The following SLC25A18 variants were observed in gnomAD, a reference collection of about 807,000 sequenced individuals.
SLC25A18 encodes the protein mitochondrial glutamate carrier 2.
SLC25A18 carries 24 observed loss-of-function variants against 31.1 expected under a neutral mutation model. That is an observed-to-expected ratio of 0.77 (90% CI 0.56 to 1.08). The LOEUF (loss-of-function observed/expected upper bound fraction) is 1.08. Ranked by LOEUF, SLC25A18 falls within the 50% of genes least tolerant of loss-of-function variation. SLC25A18 has a pLI of 0.00. For synonymous variants in SLC25A18, 173 were observed against 161.9 expected (o/e 1.07, Z -0.52); for missense variants, 371 against 418.5 (o/e 0.89, Z 0.99).
At chr22:17,589,332 C>T in intron 9 of SLC25A18, 1 of 355,290 alleles carries the variant, frequency 2.8e-6, no homozygotes, top group Non-Finnish European at 5.4e-6. Flanking sequence ...AGGAACGCGC[C>T]ACGCCCGGCT....
intron 2 of SLC25A18, among the ~76,000 whole-genome samples, chr22:17,572,930 G>C (rs1453500562): frequency 2.0e-5 from 3 of 152,194 alleles, no homozygotes; most frequent in South Asian, 4.1e-4. Flanking sequence ...CATGAGCCAT[G>C]GCGCCCAGCC....
chr22:17,564,956 CCAGCTACT>C (rs1324295271), intron 1 of SLC25A18, among the ~76,000 whole-genome samples: 2 of 152,080 alleles, frequency 1.3e-5, no homozygotes, highest in East Asian at 3.9e-4. Flanking sequence ...ACCTGTGATC[CCAGCTACT>C]CAGGAGGGTG....
chr22:17,585,762 C>T (rs1274230855), intron 7 of SLC25A18, among the ~76,000 whole-genome samples: 1 of 150,846 alleles, frequency 6.6e-6, no homozygotes, highest in African/African-American at 2.5e-5. Context: ...GATTCTCCTG[C>T]CTCAGCCTCC....
rs183511542 is a variant in SLC25A18 at position 17,577,617 on chromosome 22, G to A, written c.-200-2128G>A. On this transcript the variant is annotated intron_variant, in intron 2 of 10. Coordinates refer to ENST00000327451, the MANE Select transcript of SLC25A18 (RefSeq NM_031481.3). ...TTTTTTTGAGATGGAGGCTCGCTGTGTCACCCAGGCTGGAGTGCAGTGGTG... is the reference window on the plus strand; with the variant it reads ...TTTTTTTGAGATGGAGGCTCGCTGTATCACCCAGGCTGGAGTGCAGTGGTG... 3.5e-3 allele frequency among the ~76,000 whole-genome samples: 472 copies of A among 135,712 alleles called. 4 individuals are homozygous for A. Among genetic ancestry groups the A allele is most frequent in the African/African-American group, 0.012 (438 of 35,568 alleles). 89.0% of individuals were successfully genotyped at this position (135,712 alleles called of 152,430 possible). A position where few individuals can be genotyped will look rare whatever the true frequency, so the allele number is the denominator to read the frequency against.
In SLC25A18 at chr22:17,587,988, C is replaced by T. The variant is rs772306619; in HGVS notation, c.639C>T (p.Asn213=). ...CCAACCTTAACAACCTGGGGTTCAA[C>T]GAGCTCGCCGGTAAGGCGTCCTTTG... ...LFANLNNLGF[N]ELAGKASFAH... The change falls in exon 9 of 11, where the codon AAC becomes AAT. Residue 213 remains asparagine, a synonymous_variant. Coordinates refer to ENST00000327451, the MANE Select transcript of SLC25A18 (RefSeq NM_031481.3). 24 of 1,614,112 alleles carry T rather than the reference C, an allele frequency of 1.5e-5. No individual in the cohort carries two copies. Among genetic ancestry groups the T allele is most frequent in the Middle Eastern group, 1.6e-4 (1 of 6,084 alleles).
intron 2 of SLC25A18, among the ~76,000 whole-genome samples, chr22:17,572,123 G>T (rs1363911643): frequency 6.6e-6 from 1 of 152,056 alleles, no homozygotes; most frequent in Admixed American, 6.6e-5. Context: ...GGAGGCAGGG[G>T]TTGCAGCGAG....
At chr22:17,585,617 TTTATTATTATTTATTTTA>T (rs143230754) in intron 7 of SLC25A18, among the ~76,000 whole-genome samples, 4 of 149,142 alleles carry the variant, frequency 2.7e-5, no homozygotes, top group Non-Finnish European at 3.0e-5. Context: ...AACATTTTAT[TTTATTATTATTTATTTTA>T]TTATTATTAT....
intron 1 of SLC25A18, among the ~76,000 whole-genome samples, chr22:17,565,248 T>A (rs2056905246): frequency 6.6e-6 from 1 of 151,954 alleles, no homozygotes; most frequent in African/African-American, 2.4e-5. Flanking sequence ...ACCCAGCTAA[T>A]TTTTTGTATT....
At chr22:17,579,273 G>C (rs973888855) in intron 2 of SLC25A18, among the ~76,000 whole-genome samples, 1 of 152,074 alleles carries the variant, frequency 6.6e-6, no homozygotes, top group African/African-American at 2.4e-5. Context: ...TTTTAGTAGA[G>C]ATGGAGTTTC....
At chr22:17,581,216 C>T in intron 4 of SLC25A18, 57 bp downstream of exon 4, 1 of 1,567,572 alleles carries the variant, frequency 6.4e-7, no homozygotes, top group Non-Finnish European at 8.7e-7. Flanking sequence ...GGATGGGGCC[C>T]CCTTCCCTCC....
intron 3 of SLC25A18, chr22:17,580,395 C>T (rs369286062): frequency 8.2e-6 from 3 of 367,444 alleles, no homozygotes; most frequent in East Asian, 1.5e-4. Context: ...TTCTATTTCC[C>T]GTCTTCCAAA....
At chr22:17,566,994 T>G (rs2056954054) in intron 1 of SLC25A18, among the ~76,000 whole-genome samples, 1 of 152,106 alleles carries the variant, frequency 6.6e-6, no homozygotes, top group Non-Finnish European at 1.5e-5. Context: ...AAACCGCGTC[T>G]CTACAAAGAA....
In SLC25A18 at chr22:17,582,577, C is replaced by T; in HGVS notation, c.214C>T (p.Leu72Phe). The T allele has an allele frequency of 1.9e-6, 3 of 1,599,408 alleles. No individual in the cohort carries two copies. The highest frequency in any genetic ancestry group is 1.1e-5 in the South Asian group (1 of 88,466). ...FGMYRGAAVN[L>F]TLVTPEKAIK... ...TTCACTTCCAGGGGCTGCAGTGAAC[C>T]TCACTCTGGTCACTCCAGAGAAGGC... The change falls in exon 6 of 11, where the codon CTC (leucine) becomes TTC (phenylalanine). Residue 72 changes from leucine to phenylalanine, a missense_variant. Leu to Phe is a conservative substitution (Grantham distance 22). Transcript: ENST00000327451.
At chr22:17,578,799 C>A (rs2057296798) in intron 2 of SLC25A18, among the ~76,000 whole-genome samples, 1 of 152,194 alleles carries the variant, frequency 6.6e-6, no homozygotes, top group African/African-American at 2.4e-5. Context: ...ACTCCAGAGG[C>A]TAAGGCAGGA....
chr22:17,571,494 CG>C (rs2057086251), intron 2 of SLC25A18, among the ~76,000 whole-genome samples: 2 of 152,102 alleles, frequency 1.3e-5, no homozygotes, highest in South Asian at 4.1e-4. Flanking sequence ...CTTCTCCAGC[CG>C]GGGCGCAGTG....
intron 9 of SLC25A18, 113 bp from the exon 10 acceptor site, chr22:17,589,475 CTA>C (rs1372526166): frequency 2.3e-6 from 2 of 886,666 alleles, no homozygotes; most frequent in Non-Finnish European, 3.6e-6. Flanking sequence ...TGCGCCCGGC[CTA>C]TGAGTCAGTT....
chr22:17,569,037 G>A (rs574847490), intron 1 of SLC25A18, among the ~76,000 whole-genome samples: 106 of 149,194 alleles, frequency 7.1e-4, no homozygotes, highest in African/African-American at 2.5e-3. Context: ...AGATGGAGTC[G>A]CCCAGCCTGT....
intron 9 of SLC25A18, chr22:17,589,238 T>C (rs2057646213): frequency 5.5e-6 from 1 of 183,136 alleles, no homozygotes; most frequent in Non-Finnish European, 1.1e-5. Context: ...TGGAGTGCAG[T>C]GGTACAATCT....
intron 9 of SLC25A18, 178 bp downstream of exon 9, chr22:17,588,257 T>C: frequency 1.6e-6 from 1 of 635,002 alleles, no homozygotes; most frequent in African/African-American, 1.8e-5. Flanking sequence ...TTCTCATCCC[T>C]GACACATCCC....
Sources: allele counts gnomAD v4.1 joint callset (sites outside exome capture counted in the v4.1 genomes callset), GRCh38; gene constraint gnomAD v4.1.1; transcripts MANE v1.5; gene names NCBI Gene and HGNC (gene_info 2026-07-23, HGNC 2026-07-21).